The following RAB11FIP2 variants were observed in gnomAD, a reference collection of about 807,000 sequenced individuals.
RAB11FIP2 encodes rab11 family-interacting protein 2.
Under a neutral mutation model 40.9 loss-of-function variants are expected in RAB11FIP2, and 16 were observed. The observed-to-expected ratio is 0.39, with a 90% CI of 0.26 to 0.59. RAB11FIP2 has a LOEUF of 0.59. Among genes scored for constraint, RAB11FIP2 ranks in the 20% least tolerant of loss-of-function variants. RAB11FIP2 has a pLI of 0.53. For synonymous variants in RAB11FIP2, 228 were observed against 213.7 expected (o/e 1.07, Z -0.58); for missense variants, 532 against 606.2 (o/e 0.88, Z 1.28).
intron 3 of RAB11FIP2, among the ~76,000 whole-genome samples, chr10:118,023,528 C>T (rs186031063): frequency 7.9e-5 from 12 of 152,252 alleles, no homozygotes; most frequent in African/African-American, 2.4e-4. Flanking sequence ...GAACCTAATA[C>T]ATAAATGTCT....
chr10:118,025,458 T>C (rs1179257266), intron 3 of RAB11FIP2, among the ~76,000 whole-genome samples: 1 of 152,238 alleles, frequency 6.6e-6, no homozygotes, highest in Admixed American at 6.5e-5. Context: ...ACAAGAAGTT[T>C]TTGTTCGGAA....
chr10:118,037,544 A>AT lies in RAB11FIP2; in HGVS notation c.1265+1427_1265+1428insA, dbSNP rs1589647189. Reference sequence around the variant, plus strand: ...ATGACGATACATCAAACATAATTGTAGTCACCATTTATGGATTCCCTATTT... The same window carrying AT: ...ATGACGATACATCAAACATAATTGTATGTCACCATTTATGGATTCCCTATTT... On this transcript the variant is annotated intron_variant, in intron 3 of 4. Transcript: ENST00000355624. Among the ~76,000 whole-genome samples, 3 of 152,078 alleles carry AT rather than the reference A, an allele frequency of 2.0e-5. No individual in the cohort carries two copies. The East Asian group carries it at 5.8e-4, about 29-fold the overall frequency.
intron 1 of RAB11FIP2, among the ~76,000 whole-genome samples, chr10:118,041,011 TG>T (rs1846551445): frequency 6.6e-6 from 1 of 152,110 alleles, no homozygotes; most frequent in African/African-American, 2.4e-5. Context: ...ATGAATCTCA[TG>T]ACATTTTAAT....
intron 3 of RAB11FIP2, among the ~76,000 whole-genome samples, chr10:118,025,631 T>C (rs189277215): frequency 1.8e-4 from 28 of 152,332 alleles, no homozygotes; most frequent in Admixed American, 1.0e-3. Flanking sequence ...ATACATTCTA[T>C]AGAATTAGAT....
rs180919076 is a variant in RAB11FIP2, at chr10:118,009,923, A to T, written c.1312-698T>A. On this transcript the variant is annotated intron_variant, in intron 4 of 4. Transcript: ENST00000355624. Reference sequence around the variant, plus strand: ...TCAGGAAACTCAAGAGTTCAACCATATTAATACTACGGTTAGTATATTTGC... The same window carrying T: ...TCAGGAAACTCAAGAGTTCAACCATTTTAATACTACGGTTAGTATATTTGC... 1.1e-3 allele frequency among the ~76,000 whole-genome samples: 171 copies of T among 152,244 alleles called. 1 individual carries two copies. Among genetic ancestry groups the T allele is most frequent in the Non-Finnish European group, 1.9e-3 (130 of 68,006 alleles).
At chr10:118,018,569 A>T (rs1846248480) in intron 3 of RAB11FIP2, among the ~76,000 whole-genome samples, 1 of 152,252 alleles carries the variant, frequency 6.6e-6, no homozygotes, top group South Asian at 2.1e-4. Flanking sequence ...TGAAGTTTTT[A>T]TGCAAAAGCA....
chr10:118,033,507 G>A (rs752826029), intron 3 of RAB11FIP2, among the ~76,000 whole-genome samples: 1 of 152,034 alleles, frequency 6.6e-6, no homozygotes, highest in Non-Finnish European at 1.5e-5. Flanking sequence ...AGGGAAACAC[G>A]AGGTTATTAC....
chr10:118,039,446 A>C lies in RAB11FIP2; in HGVS notation c.797-6T>G, dbSNP rs753052039. 1 of 1,603,950 alleles carries C rather than the reference A, an allele frequency of 6.2e-7. No individual in the cohort carries two copies. The highest frequency in any genetic ancestry group is 8.5e-7 in the Non-Finnish European group (1 of 1,173,002). On this transcript the variant is annotated splice_region_variant and splice_polypyrimidine_tract_variant and intron_variant, in intron 2 of 4. Transcript: ENST00000355624. ...GTGTGGAGATTTGAGACTTCCTACA[A>C]ACAATTTTGTAGTTAGTACATAATC... is the stretch of plus-strand genomic sequence containing the variant.
intron 4 of RAB11FIP2, 106 bp downstream of exon 4, chr10:118,014,959 G>C (rs1846198641): frequency 1.1e-6 from 1 of 904,080 alleles, no homozygotes; most frequent in Admixed American, 2.5e-5. Flanking sequence ...CAATTCTTAG[G>C]TAAGTGAGGC....
chr10:118,011,391 G>GCGCGCACA (rs144517584), intron 4 of RAB11FIP2, among the ~76,000 whole-genome samples: 33 of 149,956 alleles, frequency 2.2e-4, no homozygotes, highest in African/African-American at 8.1e-4. Context: ...ACACACATGC[G>GCGCGCACA]CACACACACA....
chr10:118,015,519 A>G (rs1046997705), intron 3 of RAB11FIP2, among the ~76,000 whole-genome samples: 2 of 152,226 alleles, frequency 1.3e-5, no homozygotes, highest in Non-Finnish European at 2.9e-5. Context: ...AGATTATAGA[A>G]TAAAAGAGTT....
rs1846431095 is a variant in RAB11FIP2 at position 118,032,803 on chromosome 10, AT to A, written c.1265+6168del. On this transcript the variant is annotated intron_variant, in intron 3 of 4. Coordinates refer to ENST00000355624, the MANE Select transcript of RAB11FIP2 (RefSeq NM_014904.3). The stretch of plus-strand genomic sequence containing the variant: ...CGATTCTGTACTGCCTGGGATGTGA[AT>A]CATCCCTTTGTTCAGTCCCTTTGTT... Among the ~76,000 whole-genome samples, 15 of 152,162 alleles carry A rather than the reference AT, an allele frequency of 9.9e-5. 1 individual carries two copies. In the South Asian group the frequency reaches 2.9e-3, roughly 29 times the overall value.
intron 4 of RAB11FIP2, among the ~76,000 whole-genome samples, chr10:118,013,316 T>C (rs1346032316): frequency 1.3e-5 from 2 of 152,030 alleles, no homozygotes; most frequent in Non-Finnish European, 1.5e-5. Context: ...TACTTTCACA[T>C]CTTTTGTCCT....
intron 1 of RAB11FIP2, chr10:118,043,435 T>C (rs1846586750): frequency 6.6e-6 from 1 of 152,182 alleles, no homozygotes; most frequent in Non-Finnish European, 1.5e-5. Flanking sequence ...TTAAATCTCA[T>C]GCCAGAACCA....
intron 3 of RAB11FIP2, among the ~76,000 whole-genome samples, chr10:118,038,496 T>C (rs1425462860): frequency 2.0e-5 from 3 of 152,104 alleles, no homozygotes; most frequent in African/African-American, 7.2e-5. Flanking sequence ...CACTTCTAAA[T>C]AGCCATTTAA....
intron 4 of RAB11FIP2, among the ~76,000 whole-genome samples, chr10:118,011,075 A>G (rs1428683683): frequency 1.3e-5 from 2 of 152,134 alleles, no homozygotes; most frequent in Admixed American, 6.5e-5. Flanking sequence ...TAAAATGGCA[A>G]CAGTGGAATC....
intron 3 of RAB11FIP2, among the ~76,000 whole-genome samples, chr10:118,029,719 A>C (rs2133174856): frequency 6.6e-6 from 1 of 152,272 alleles, no homozygotes; most frequent in South Asian, 2.1e-4. Flanking sequence ...AGAATGAATC[A>C]GGAGCCTCGC....
intron 3 of RAB11FIP2, among the ~76,000 whole-genome samples, chr10:118,034,323 T>A (rs1846454698): frequency 2.0e-5 from 3 of 150,552 alleles, no homozygotes; most frequent in Non-Finnish European, 4.4e-5. Context: ...TTCCATGAAC[T>A]CTTAAATAAG....
intron 3 of RAB11FIP2, among the ~76,000 whole-genome samples, chr10:118,034,724 A>G (rs1846460062): frequency 6.6e-6 from 1 of 152,178 alleles, no homozygotes; most frequent in South Asian, 2.1e-4. Context: ...AGTGGCAATT[A>G]TAAAATACAA....
Sources: allele counts gnomAD v4.1 joint callset (sites outside exome capture counted in the v4.1 genomes callset), GRCh38; gene constraint gnomAD v4.1.1; transcripts MANE v1.5; gene names NCBI Gene and HGNC (gene_info 2026-07-23, HGNC 2026-07-21).